NLGN1: variants seen among roughly 807,000 people sequenced by gnomAD.
The protein encoded by NLGN1 is neuroligin 1, also known as neuroligin-1.
A neutral mutation model predicts 65.5 loss-of-function variants in NLGN1; 12 were observed. That is an observed-to-expected ratio of 0.18 (90% confidence interval 0.12 to 0.30). NLGN1 has a LOEUF of 0.30. Among genes scored for constraint, NLGN1 ranks in the 10% least tolerant of loss-of-function variants. The pLI, the probability that NLGN1 is intolerant of heterozygous loss-of-function variation, is 1.00. For missense variants in NLGN1, 750 were observed against 1,007.1 expected, an observed-to-expected ratio of 0.74 and a Z score of 3.46; for synonymous variants, 350 against 359.5, an observed-to-expected ratio of 0.97 and a Z score of 0.30.
intron 2 of NLGN1, among the ~76,000 whole-genome samples, chr3:173,545,697 A>G (rs1487332282): frequency 6.6e-6 from 1 of 152,148 alleles, no homozygotes; most frequent in East Asian, 1.9e-4. Context: ...ACCAACACAA[A>G]TGCCCATCAA....
chr3:173,581,683 TAC>T (rs1746423310), intron 2 of NLGN1, among the ~76,000 whole-genome samples: 1 of 151,990 alleles, frequency 6.6e-6, no homozygotes, highest in Non-Finnish European at 1.5e-5. Context: ...TATTTAGTAG[TAC>T]AGTTTTTTAA....
At chr3:174,188,476 C>T (rs1393804470) in intron 4 of NLGN1, among the ~76,000 whole-genome samples, 1 of 151,944 alleles carries the variant, frequency 6.6e-6, no homozygotes, top group Non-Finnish European at 1.5e-5. Context: ...TCACAATAAT[C>T]CTACTTAACA....
intron 1 of NLGN1, chr3:173,398,549 A>T (rs1257636865): frequency 6.6e-6 from 1 of 152,210 alleles, no homozygotes; most frequent in Non-Finnish European, 1.5e-5. Context: ...TTGCATTGGG[A>T]ATAATTTCTT....
At chr3:173,750,622 A>T (rs1776185258) in intron 3 of NLGN1, among the ~76,000 whole-genome samples, 1 of 152,118 alleles carries the variant, frequency 6.6e-6, no homozygotes, top group South Asian at 2.1e-4. Context: ...AGAATTCAGA[A>T]TGCATTTCTG....
At chr3:173,777,627 GTCTGTCTATCTATCTA>G (rs936656179) in intron 3 of NLGN1, among the ~76,000 whole-genome samples, 1 of 11,866 alleles carries the variant, frequency 8.4e-5, no homozygotes, top group African/African-American at 2.1e-4. Context: ...CTGTCTGTCT[GTCTGTCTATCTATCTA>G]TCTATCTATC....
At chr3:173,539,707 T>TA (rs1289538891) in intron 2 of NLGN1, among the ~76,000 whole-genome samples, 2 of 137,398 alleles carry the variant, frequency 1.5e-5, no homozygotes, top group Admixed American at 7.5e-5. Flanking sequence ...TGCACATATA[T>TA]ACATATATGT....
At chr3:173,529,802 C>A (rs1736252953) in intron 2 of NLGN1, among the ~76,000 whole-genome samples, 1 of 151,968 alleles carries the variant, frequency 6.6e-6, no homozygotes, top group African/African-American at 2.4e-5. Context: ...GGGGAGGATA[C>A]CTTTCAGGAT....
chr3:173,826,417 T>A (rs1194258387), intron 4 of NLGN1, among the ~76,000 whole-genome samples: 1 of 152,024 alleles, frequency 6.6e-6, no homozygotes, highest in Non-Finnish European at 1.5e-5. Context: ...TACACTTAAC[T>A]GCAACAGGAC....
At chr3:173,972,513 A>T (rs937393680) in intron 4 of NLGN1, among the ~76,000 whole-genome samples, 13 of 152,162 alleles carry the variant, frequency 8.5e-5, no homozygotes, top group African/African-American at 2.9e-4. Context: ...GAGTGGATAG[A>T]ATCCACATTT....
intron 2 of NLGN1, among the ~76,000 whole-genome samples, chr3:173,603,830 A>T (rs531692570): frequency 6.6e-6 from 1 of 152,174 alleles, no homozygotes; most frequent in South Asian, 2.1e-4. Flanking sequence ...TTGTTTTCCA[A>T]TGCATACAAT....
intron 3 of NLGN1, among the ~76,000 whole-genome samples, chr3:173,747,604 T>G (rs554792027): frequency 6.8e-6 from 1 of 146,960 alleles, no homozygotes. Context: ...TAAGAGATAC[T>G]TTTTATGCAC....
At chr3:173,774,498 T>C (rs1172991109) in intron 3 of NLGN1, among the ~76,000 whole-genome samples, 1 of 152,154 alleles carries the variant, frequency 6.6e-6, no homozygotes, top group African/African-American at 2.4e-5. Flanking sequence ...AGAAGTGAAT[T>C]GGAGAATATG....
chr3:173,469,318 T>G (rs1343573357), intron 2 of NLGN1, among the ~76,000 whole-genome samples: 4 of 152,074 alleles, frequency 2.6e-5, no homozygotes, highest in Non-Finnish European at 5.9e-5. Context: ...CAACTAGGCT[T>G]TCACCATAAG....
At chr3:173,514,903 T>G (rs929347018) in intron 2 of NLGN1, among the ~76,000 whole-genome samples, 1 of 152,220 alleles carries the variant, frequency 6.6e-6, no homozygotes, top group Non-Finnish European at 1.5e-5. Flanking sequence ...TTTTATGCAT[T>G]TATATGTTGA....
chr3:173,400,759 C>T (rs917288656), intron 1 of NLGN1, among the ~76,000 whole-genome samples: 2 of 152,108 alleles, frequency 1.3e-5, no homozygotes, highest in Non-Finnish European at 2.9e-5. Flanking sequence ...AAAGACATGC[C>T]TGATTTATCA....
Position 173,692,007 on chromosome 3 carries a change from C to T in NLGN1, c.493+86916C>T, listed in dbSNP as rs145286254. ...ATTAATTTTATTGCACTAAGGTACA[C>T]GTGGTATCTTGAATGTTGTGGATTT... On this transcript the variant is annotated intron_variant, in intron 3 of 6. Coordinates refer to ENST00000457714, the Ensembl canonical transcript of NLGN1. 3.7e-3 allele frequency among the ~76,000 whole-genome samples: 560 copies of T among 151,978 alleles called. 4 individuals are homozygous for T. The highest frequency in any genetic ancestry group is 0.013 in the African/African-American group (521 of 41,456).
chr3:173,862,505 C>CAAAAAAAAAAAA (rs10601211), intron 4 of NLGN1, among the ~76,000 whole-genome samples: 1 of 41,708 alleles, frequency 2.4e-5, no homozygotes, highest in Non-Finnish European at 4.9e-5. Context: ...GACTCCGTCT[C>CAAAAAAAAAAAA]AAAAAAAAAA....
At chr3:174,278,557 T>C (rs557195247) in intron 5 of NLGN1, among the ~76,000 whole-genome samples, 19 of 152,032 alleles carry the variant, frequency 1.2e-4, no homozygotes, top group African/African-American at 4.1e-4. Flanking sequence ...TACACACTCA[T>C]TGAAGAACAT....
At chr3:173,979,303 G>C (rs531995721) in intron 4 of NLGN1, among the ~76,000 whole-genome samples, 1 of 152,136 alleles carries the variant, frequency 6.6e-6, no homozygotes, top group South Asian at 2.1e-4. Flanking sequence ...TGTTTGATGA[G>C]AAACACCTGG....
Sources: gnomAD v4.1 joint callset for allele counts (sites outside exome capture counted in the v4.1 genomes callset) on GRCh38, gnomAD v4.1.1 for gene constraint, MANE v1.5 for transcripts, NCBI Gene and HGNC (gene_info 2026-07-23, HGNC 2026-07-21) for gene names.